GLIS3: variants seen among roughly 807,000 people sequenced by gnomAD.
GLIS3 encodes GLIS family zinc finger 3, also known as zinc finger protein GLIS3.
Under a neutral mutation model 78.6 loss-of-function variants are expected in GLIS3, and 53 were observed. The ratio of observed to expected loss-of-function variants is 0.67; its 90% CI spans 0.54 to 0.85. GLIS3 has a LOEUF of 0.85. Among genes scored for constraint, GLIS3 ranks in the 40% least tolerant of loss-of-function variants. The pLI, the probability that GLIS3 is intolerant of heterozygous loss-of-function variation, is 0.00. For missense variants in GLIS3, 1,703 were observed against 1,231.1 expected (o/e 1.38, Z -5.74); for synonymous variants, 684 against 509.9 (o/e 1.34, Z -4.60).
chr9:4,463,156 G>A, the GLIS3 span, among the ~76,000 whole-genome samples: 2 of 152,208 alleles, frequency 1.3e-5, no homozygotes, highest in African/African-American at 4.8e-5. Context: ...GAATATGTTG[G>A]TTGTCACAAA....
the GLIS3 span, among the ~76,000 whole-genome samples, chr9:4,476,232 AAC>A: frequency 6.6e-6 from 1 of 152,228 alleles, no homozygotes; most frequent in African/African-American, 2.4e-5. Flanking sequence ...TTGATGGAAT[AAC>A]ACAGGGAAAA....
chr9:4,391,228 C>T, the GLIS3 span, among the ~76,000 whole-genome samples: 1 of 152,190 alleles, frequency 6.6e-6, no homozygotes, highest in Admixed American at 6.5e-5. Flanking sequence ...GTGGAAGGGA[C>T]AGTGGGGACA....
intron 2 of GLIS3, among the ~76,000 whole-genome samples, chr9:4,335,514 C>A (rs565645088): frequency 6.6e-6 from 1 of 152,294 alleles, no homozygotes; most frequent in African/African-American, 2.4e-5. Context: ...CTTTCCTGTG[C>A]AAAGCCTTCA....
At chr9:4,278,560 T>C (rs1465958317) in intron 2 of GLIS3, among the ~76,000 whole-genome samples, 1 of 152,192 alleles carries the variant, frequency 6.6e-6, no homozygotes, top group Non-Finnish European at 1.5e-5. Context: ...CATGAGTGAT[T>C]CTGTAGTGAT....
At chr9:4,392,674 T>A in the GLIS3 span, among the ~76,000 whole-genome samples, 1 of 152,350 alleles carries the variant, frequency 6.6e-6, no homozygotes, top group East Asian at 1.9e-4. Context: ...TTTGAAGTAT[T>A]AAAACTAAGG....
intron 4 of GLIS3, among the ~76,000 whole-genome samples, chr9:4,048,537 G>A (rs907217539): frequency 3.3e-5 from 5 of 152,110 alleles, no homozygotes; most frequent in African/African-American, 1.2e-4. Context: ...ACCACATTAT[G>A]GTATTCAACT....
chr9:4,228,550 T>C (rs2890551), intron 2 of GLIS3, among the ~76,000 whole-genome samples: 60,273 of 152,034 alleles, frequency 0.4, 12,434 homozygotes, highest in South Asian at 0.57. Flanking sequence ...TCTGGTCTCA[T>C]TAGATGAAGC....
intron 2 of GLIS3, among the ~76,000 whole-genome samples, chr9:4,346,042 T>C (rs544851953): frequency 3.9e-5 from 6 of 152,182 alleles, no homozygotes; most frequent in Admixed American, 2.0e-4. Context: ...AAAAAATAAA[T>C]ACAGACACAG....
intron 2 of GLIS3, among the ~76,000 whole-genome samples, chr9:4,248,837 C>A (rs927824159): frequency 3.3e-5 from 5 of 152,090 alleles, no homozygotes; most frequent in South Asian, 2.1e-4. Flanking sequence ...CTCTAATGAC[C>A]AGTGATGATG....
chr9:4,207,172 T>C (rs987002236), intron 2 of GLIS3, among the ~76,000 whole-genome samples: 1 of 152,166 alleles, frequency 6.6e-6, no homozygotes, highest in Non-Finnish European at 1.5e-5. Flanking sequence ...AGTCCAATTT[T>C]ATCATCCAAC....
chr9:4,056,989 C>A (rs1053273451), intron 4 of GLIS3, among the ~76,000 whole-genome samples: 1 of 150,728 alleles, frequency 6.6e-6, no homozygotes, highest in East Asian at 2.0e-4. Context: ...TGAATCGTGC[C>A]CCCTAGAATT....
chr9:4,107,824 T>G (rs552715691), intron 4 of GLIS3, among the ~76,000 whole-genome samples: 139 of 152,244 alleles, frequency 9.1e-4, no homozygotes, highest in African/African-American at 3.0e-3. Context: ...TTCTTTCCTA[T>G]GAATTCACTC....
chr9:4,345,773 G>C (rs1004736655), intron 2 of GLIS3, among the ~76,000 whole-genome samples: 1 of 152,182 alleles, frequency 6.6e-6, no homozygotes, highest in Admixed American at 6.5e-5. Context: ...ACCACAAGAA[G>C]ATAAAGCAAA....
At chr9:4,082,876 T>C (rs983227375) in intron 4 of GLIS3, among the ~76,000 whole-genome samples, 1 of 152,230 alleles carries the variant, frequency 6.6e-6, no homozygotes, top group Non-Finnish European at 1.5e-5. Context: ...TTCCCATACA[T>C]ATTTTTCGAC....
the GLIS3 span, among the ~76,000 whole-genome samples, chr9:4,378,869 C>G: frequency 6.6e-6 from 1 of 152,150 alleles, no homozygotes; most frequent in Non-Finnish European, 1.5e-5. Context: ...CATGGCCGAC[C>G]TGGAGACTGA....
intron 4 of GLIS3, among the ~76,000 whole-genome samples, chr9:3,956,692 CTCCTT>C (rs1435502433): frequency 5.9e-5 from 9 of 151,694 alleles, no homozygotes. Flanking sequence ...TATTTTTTTC[CTCCTT>C]TCATTACCGA....
rs929012296 is a variant in GLIS3, at chr9:4,103,241, T to C, written c.1710+14527A>G. 1.4e-4 allele frequency among the ~76,000 whole-genome samples: 22 copies of C among 152,288 alleles called. 1 individual carries two copies. The highest frequency in any genetic ancestry group is 1.4e-3 in the Admixed American group (21 of 15,290). ...AATTGTGTAATCTTAAAATTAAAAT[T>C]ATTTTTACAGACTCATTAGGCTTCG... On this transcript the variant is annotated intron_variant, in intron 4 of 10. Coordinates refer to ENST00000381971, the MANE Select transcript of GLIS3 (RefSeq NM_001042413.2).
In GLIS3 at chr9:4,207,334, T is replaced by G. The variant is rs186394836; in HGVS notation, c.388+78704A>C. The stretch of plus-strand genomic sequence containing the variant: ...ACAGCCAGCATGACAAGAGGAGCAC[T>G]CTTAACTTAGGAATTTCCATTCAGC... On this transcript the variant is annotated intron_variant, in intron 2 of 10. Coordinates refer to ENST00000381971, the MANE Select transcript of GLIS3 (RefSeq NM_001042413.2). 2.2e-3 allele frequency among the ~76,000 whole-genome samples: 328 copies of G among 152,316 alleles called. 1 individual carries two copies. The highest frequency in any genetic ancestry group is 2.1e-3 in the Non-Finnish European group (144 of 68,034).
chr9:4,086,915 A>T (rs1325508852), intron 4 of GLIS3, among the ~76,000 whole-genome samples: 1 of 152,110 alleles, frequency 6.6e-6, no homozygotes, highest in African/African-American at 2.4e-5. Flanking sequence ...TGATTTAGAG[A>T]CATGTCCTCC....
Sources: gnomAD v4.1 joint callset for allele counts (sites outside exome capture counted in the v4.1 genomes callset) on GRCh38, gnomAD v4.1.1 for gene constraint, MANE v1.5 for transcripts, NCBI Gene and HGNC (gene_info 2026-07-23, HGNC 2026-07-21) for gene names.